Variants in LPAR1 observed in about 807,000 individuals in gnomAD.
LPAR1 encodes LPA receptor 1.
Under a neutral mutation model 23.8 loss-of-function variants are expected in LPAR1, and 5 were observed. That is an observed-to-expected ratio of 0.21 (90% confidence interval 0.11 to 0.44). The LOEUF (loss-of-function observed/expected upper bound fraction) is 0.44, where lower values mean the gene tolerates loss of function less well. LPAR1 is among the 20% of genes least tolerant of loss of function. LPAR1 has a pLI of 0.99. For synonymous variants in LPAR1, 160 were observed against 164.7 expected (o/e 0.97, Z 0.22); for missense variants, 311 against 482.8 (o/e 0.64, Z 3.33).
chr9:111,038,629 C>A (rs899448273), upstream of LPAR1: 2 of 455,262 alleles, frequency 4.4e-6, no homozygotes, highest in African/African-American at 4.0e-5. The surrounding 1 kb of genome is among the most constrained non-coding windows in gnomAD (Gnocchi z 4.4). Flanking sequence ...CCGCCCTCCC[C>A]GCTCCCAAGC....
In LPAR1 at chr9:111,019,185, CT is replaced by C. The variant is rs1446022256; in HGVS notation, c.-182+16936del. Among the ~76,000 whole-genome samples the C allele has an allele frequency of 2.6e-5, 4 of 152,014 alleles. No individual in the cohort carries two copies. The East Asian group carries it at 7.7e-4, about 29-fold the overall frequency. ...TTTTTTTAATGTTTTTAAGAATACA[CT>C]AAGGGCCAGGTATGGTGGCTCACAC... On this transcript the variant is annotated intron_variant, in intron 2 of 5. Transcript: ENST00000683809.
chr9:110,931,289 T>C (rs2094399328), intron 5 of LPAR1, among the ~76,000 whole-genome samples: 1 of 152,184 alleles, frequency 6.6e-6, no homozygotes, highest in African/African-American at 2.4e-5. Flanking sequence ...TTTTGTCATA[T>C]TATATTGTGT....
intron 2 of LPAR1, among the ~76,000 whole-genome samples, chr9:110,998,013 A>G (rs2097052592): frequency 6.6e-6 from 1 of 152,184 alleles, no homozygotes; most frequent in Admixed American, 6.6e-5. Context: ...GGCTTGTTCA[A>G]ACACAGATGT....
intron 5 of LPAR1, among the ~76,000 whole-genome samples, chr9:110,926,413 C>G (rs980095409): frequency 2.6e-5 from 4 of 152,160 alleles, no homozygotes; most frequent in Admixed American, 6.5e-5. Flanking sequence ...CATTGTTGCT[C>G]CATCCTCATT....
chr9:110,975,619 A>G (rs535607023), intron 2 of LPAR1, among the ~76,000 whole-genome samples: 134 of 152,326 alleles, frequency 8.8e-4, no homozygotes, highest in African/African-American at 3.0e-3. Flanking sequence ...TCTTTAAGCA[A>G]AAATGTCAGA....
At chr9:110,961,107 G>C (rs12341433) in intron 4 of LPAR1, among the ~76,000 whole-genome samples, 60,666 of 151,114 alleles carry the variant, frequency 0.4, 12,935 homozygotes, top group Non-Finnish European at 0.47. Flanking sequence ...TATAAACTAT[G>C]TTTTTACTGT....
chr9:110,936,098 C>G (rs1388662854), intron 5 of LPAR1, among the ~76,000 whole-genome samples: 5 of 152,162 alleles, frequency 3.3e-5, no homozygotes, highest in African/African-American at 1.2e-4. Context: ...TCCCATCACT[C>G]CACTCGTCAT....
chr9:111,021,435 T>C (rs1189469236), intron 2 of LPAR1, among the ~76,000 whole-genome samples: 1 of 152,186 alleles, frequency 6.6e-6, no homozygotes, highest in Non-Finnish European at 1.5e-5. Context: ...ATTGAATTCA[T>C]CTTCCATATG....
chr9:110,910,838 C>T (rs1226013826), intron 5 of LPAR1, among the ~76,000 whole-genome samples: 1 of 152,120 alleles, frequency 6.6e-6, no homozygotes, highest in African/African-American at 2.4e-5. Context: ...AGAAGTGGCA[C>T]CTGAAGATGT....
At chr9:110,892,900 G>C (rs1255766578) in intron 5 of LPAR1, among the ~76,000 whole-genome samples, 1 of 151,206 alleles carries the variant, frequency 6.6e-6, no homozygotes, top group Admixed American at 6.6e-5. Flanking sequence ...CACTCAATAA[G>C]CTTAGTGGTG....
chr9:111,033,159 T>G (rs1156707747), intron 2 of LPAR1, among the ~76,000 whole-genome samples: 1 of 152,186 alleles, frequency 6.6e-6, no homozygotes, highest in Non-Finnish European at 1.5e-5. Context: ...ATAATTACAA[T>G]TTTACATGGA....
At chr9:110,959,674 T>C (rs2095886717) in intron 4 of LPAR1, among the ~76,000 whole-genome samples, 1 of 151,998 alleles carries the variant, frequency 6.6e-6, no homozygotes, top group Non-Finnish European at 1.5e-5. Context: ...GATATCAGTA[T>C]ATCAAAAGGA....
rs541427756 is a variant in LPAR1 at position 110,873,448 on chromosome 9, C to A, written c.*1973G>T. 1 of 152,318 alleles carries A rather than the reference C, an allele frequency of 6.6e-6. No individual in the cohort carries two copies. Among genetic ancestry groups the A allele is most frequent in the East Asian group, 1.9e-4 (1 of 5,178 alleles). The allele number at this position is 152,318 out of a possible 1,614,324, so 9.4% of individuals were successfully genotyped here. A position where few individuals can be genotyped will look rare whatever the true frequency, so the allele number is the denominator to read the frequency against. ...TTTCTGCTAATCGGGTCCCCACATTCTTTTCACTACAGGTACTTTACAAGT... is the reference window on the plus strand; with the variant it reads ...TTTCTGCTAATCGGGTCCCCACATTATTTTCACTACAGGTACTTTACAAGT... On this transcript the variant is annotated 3_prime_UTR_variant, in exon 6 of 6. Transcript: ENST00000683809.
At position 110,890,121 on chromosome 9, in the gene LPAR1, T is replaced by C. The variant is rs73655654; in HGVS notation, c.794-14399A>G. Among the ~76,000 whole-genome samples, 709 of 152,240 alleles carry C rather than the reference T, an allele frequency of 4.7e-3. 2 individuals are homozygous for C. The highest frequency in any genetic ancestry group is 0.015 in the African/African-American group (635 of 41,550). On this transcript the variant is annotated intron_variant, in intron 5 of 5. Coordinates refer to ENST00000683809, the MANE Select transcript of LPAR1 (RefSeq NM_001351411.2). The stretch of plus-strand genomic sequence containing the variant: ...ACAGATTACGAAGAAGAGATAACCA[T>C]AGATGATGAAGTTCACACAACTAGA...
At chr9:110,943,717 A>G (rs1308574442) in intron 4 of LPAR1, among the ~76,000 whole-genome samples, 2 of 151,926 alleles carry the variant, frequency 1.3e-5, no homozygotes, top group African/African-American at 4.8e-5. Context: ...GAAATTAGTC[A>G]GACATGGTGG....
At chr9:110,915,523 G>A (rs571009914) in intron 5 of LPAR1, among the ~76,000 whole-genome samples, 10 of 152,232 alleles carry the variant, frequency 6.6e-5, no homozygotes, top group Middle Eastern at 3.4e-3. Context: ...TCCAGCCTGG[G>A]AGACAGAGTG....
intron 2 of LPAR1, among the ~76,000 whole-genome samples, chr9:111,005,975 G>A (rs986059857): frequency 2.6e-5 from 4 of 152,056 alleles, no homozygotes; most frequent in African/African-American, 7.2e-5. Flanking sequence ...GACAACTGCT[G>A]GACTTTGAGC....
At chr9:111,007,800 GCT>G (rs764584200) in intron 2 of LPAR1, among the ~76,000 whole-genome samples, 7,294 of 152,228 alleles carry the variant, frequency 0.048, 237 homozygotes, top group South Asian at 0.059. Context: ...AGCAATCTGT[GCT>G]AACATACCTA....
intron 2 of LPAR1, among the ~76,000 whole-genome samples, chr9:110,982,861 T>TAC (rs55748505): frequency 0.078 from 10,948 of 139,988 alleles, 400 homozygotes; most frequent in South Asian, 0.082. Flanking sequence ...TATATACACA[T>TAC]ACACACACAC....
Sources: gnomAD v4.1 joint callset for allele counts (sites outside exome capture counted in the v4.1 genomes callset) on GRCh38, gnomAD v4.1.1 for gene constraint, Gnocchi (gnomAD v3.1) non-coding constraint, MANE v1.5 for transcripts, NCBI Gene and HGNC (gene_info 2026-07-23, HGNC 2026-07-21) for gene names.